Variants in SORBS2 observed in about 807,000 individuals in gnomAD.
SORBS2 encodes the protein sorbin and SH3 domain containing 2.
Under a neutral mutation model 97.7 loss-of-function variants are expected in SORBS2, and 46 were observed. The ratio of observed to expected loss-of-function variants is 0.47; its 90% confidence interval spans 0.37 to 0.60. The LOEUF (loss-of-function observed/expected upper bound fraction) is 0.60. Among genes scored for constraint, SORBS2 ranks in the 20% least tolerant of loss-of-function variants. The pLI is 0.00. For synonymous variants in SORBS2, 476 were observed against 473.4 expected, an observed-to-expected ratio of 1.01 and a Z score of -0.07; for missense variants, 1,316 against 1,282.3, an observed-to-expected ratio of 1.03 and a Z score of -0.40.
At chr4:185,954,069 C>T (rs2099278482) in intron 1 of SORBS2, among the ~76,000 whole-genome samples, 2 of 152,154 alleles carry the variant, frequency 1.3e-5, no homozygotes, top group Non-Finnish European at 2.9e-5. Context: ...TCTGCCTGTT[C>T]TTTTTATTCT....
intron 2 of SORBS2, among the ~76,000 whole-genome samples, chr4:185,720,132 A>C (rs775617562): frequency 6.6e-6 from 1 of 152,236 alleles, no homozygotes; most frequent in Non-Finnish European, 1.5e-5. Flanking sequence ...TGAGAAAGAC[A>C]GAGCAATAAA....
intron 1 of SORBS2, among the ~76,000 whole-genome samples, chr4:185,901,874 C>A (rs958034780): frequency 2.0e-5 from 3 of 152,246 alleles, no homozygotes; most frequent in South Asian, 2.1e-4. Context: ...TTCATGTAAC[C>A]AAATCATTTG....
In SORBS2 at chr4:185,930,056, G is replaced by A. The variant is rs1039776203; in HGVS notation, c.-338+26140C>T. Among the ~76,000 whole-genome samples, 7 of 152,270 alleles carry A rather than the reference G, an allele frequency of 4.6e-5. 1 individual carries two copies. Among genetic ancestry groups the A allele is most frequent in the African/African-American group, 1.7e-4 (7 of 41,552 alleles). On this transcript the variant is annotated intron_variant, in intron 1 of 20. Transcript: ENST00000284776. Reference sequence around the variant, plus strand: ...AGCACTTACCATGCATGGCACACACGAGGGCAGAACAAATGTGTGTTATCT... The same window carrying A: ...AGCACTTACCATGCATGGCACACACAAGGGCAGAACAAATGTGTGTTATCT...
At chr4:185,651,163 A>T (rs753416335) in intron 2 of SORBS2, among the ~76,000 whole-genome samples, 7 of 152,220 alleles carry the variant, frequency 4.6e-5, no homozygotes, top group Non-Finnish European at 8.8e-5. Context: ...CTCAGGAGAA[A>T]GTGATGAAGG....
chr4:185,810,728 TA>T (rs1369962044), intron 1 of SORBS2: 1 of 152,206 alleles, frequency 6.6e-6, no homozygotes, highest in Non-Finnish European at 1.5e-5. Context: ...TAAGAGACTA[TA>T]AATCAAGGAA....
At chr4:185,604,960 C>T (rs922800040) in intron 12 of SORBS2, among the ~76,000 whole-genome samples, 1 of 152,136 alleles carries the variant, frequency 6.6e-6, no homozygotes, top group African/African-American at 2.4e-5. Context: ...GATGAGCCGG[C>T]CTAGGGTACT....
chr4:185,814,851 G>A (rs974625012), intron 1 of SORBS2, among the ~76,000 whole-genome samples: 3 of 152,204 alleles, frequency 2.0e-5, no homozygotes, highest in African/African-American at 4.8e-5. Context: ...TCGCCTGCTC[G>A]AAGCCCCTCC....
At chr4:185,943,772 A>T (rs958922399) in intron 1 of SORBS2, among the ~76,000 whole-genome samples, 1 of 152,238 alleles carries the variant, frequency 6.6e-6, no homozygotes, top group Non-Finnish European at 1.5e-5. Context: ...TAATTTTCTT[A>T]GTTGTATTAT....
At chr4:185,685,369 AT>A (rs1283918857) in intron 2 of SORBS2, among the ~76,000 whole-genome samples, 4 of 152,246 alleles carry the variant, frequency 2.6e-5, no homozygotes, top group Non-Finnish European at 5.9e-5. Flanking sequence ...GGTATGATAC[AT>A]TTTTTTAGGA....
At chr4:185,810,676 A>G (rs1191094492) in intron 1 of SORBS2, 1 of 152,208 alleles carries the variant, frequency 6.6e-6, no homozygotes, top group Non-Finnish European at 1.5e-5. Context: ...AGGGATTTTG[A>G]TTTGACTGAC....
intron 1 of SORBS2, among the ~76,000 whole-genome samples, chr4:185,866,326 T>C (rs1471231375): frequency 2.6e-5 from 4 of 152,264 alleles, no homozygotes; most frequent in Non-Finnish European, 5.9e-5. Flanking sequence ...CTTAATTTCA[T>C]TTAATTCACT....
At chr4:185,913,361 C>G (rs967589511) in intron 1 of SORBS2, among the ~76,000 whole-genome samples, 1 of 152,142 alleles carries the variant, frequency 6.6e-6, no homozygotes. Context: ...TCTGTCCAAA[C>G]CTTTAAAAAA....
chr4:185,674,063 T>C (rs2097759304), intron 4 of SORBS2, among the ~76,000 whole-genome samples: 1 of 152,148 alleles, frequency 6.6e-6, no homozygotes, highest in African/African-American at 2.4e-5. Flanking sequence ...TCTCACTCTG[T>C]CTCATGGCCA....
chr4:185,721,240 A>C (rs2098511901), intron 2 of SORBS2, among the ~76,000 whole-genome samples: 1 of 151,780 alleles, frequency 6.6e-6, no homozygotes, highest in Non-Finnish European at 1.5e-5. Flanking sequence ...ACGCCCAGAT[A>C]ATTTTTGTAT....
upstream of SORBS2, chr4:185,657,314 G>T: frequency 9.7e-7 from 1 of 1,026,732 alleles, no homozygotes. Flanking sequence ...ATGGCACGGA[G>T]GGCAATCCTC....
At chr4:185,656,902 G>A (rs923836978) in exon 1 of SORBS2, 1 of 1,252,062 alleles carries the variant, frequency 8.0e-7, no homozygotes, top group African/African-American at 1.6e-5. Context: ...TTTTTCTTCA[G>A]ACAGCTTTTC....
At position 185,867,238 on chromosome 4, in the gene SORBS2, C is replaced by T. The variant is rs1438481817; in HGVS notation, c.-338+88958G>A. ...TGTTGATCAGGCTGGTCTCGAACTC[C>T]TGGCCTCGTGATCCGCCCGCCTCAG... is the stretch of plus-strand genomic sequence containing the variant. On this transcript the variant is annotated intron_variant, in intron 1 of 20. Transcript: ENST00000284776. 6.6e-5 allele frequency among the ~76,000 whole-genome samples: 10 copies of T among 152,262 alleles called. No individual in the cohort carries two copies. In the East Asian group the frequency reaches 1.5e-3, roughly 24 times the overall value.
In SORBS2 at chr4:185,623,430, C is replaced by A. The variant is rs200395949; in HGVS notation, c.1699G>T (p.Ala567Ser). The change falls in exon 7 of 15, where the codon GCC (alanine) becomes TCC (serine). Residue 567 changes from alanine (A) to serine (S), a missense_variant. Ala to Ser is a moderately conservative substitution (Grantham distance 99, BLOSUM62 1). Transcript: ENST00000418609. The surrounding 1 kb of genome is among the most constrained non-coding windows in gnomAD (Gnocchi z 6.4). The stretch of plus-strand genomic sequence containing the variant: ...ATTGTGGTAAATCGAGTGTAGGAGG[C>A]CGGGCACCTGCCTTTGCAGGAGCTG... 1.9e-6 allele frequency: 3 copies of A among 1,611,340 alleles called. No homozygotes were observed. Among genetic ancestry groups the A allele is most frequent in the East Asian group, 2.2e-5 (1 of 44,868 alleles).
At chr4:185,885,650 C>T (rs1013157482) in intron 1 of SORBS2, among the ~76,000 whole-genome samples, 17 of 152,226 alleles carry the variant, frequency 1.1e-4, no homozygotes, top group African/African-American at 4.1e-4. Context: ...TCATTTTACT[C>T]TTCAAAGTGT....
Sources: gnomAD v4.1 joint callset for allele counts (sites outside exome capture counted in the v4.1 genomes callset) on GRCh38, gnomAD v4.1.1 for gene constraint, Gnocchi (gnomAD v3.1) non-coding constraint, MANE v1.5 for transcripts, NCBI Gene and HGNC (gene_info 2026-07-23, HGNC 2026-07-21) for gene names.